Variants in RIN2 observed in about 807,000 individuals in gnomAD.
RIN2 encodes the protein Ras and Rab interactor 2.
RIN2 carries 36 observed loss-of-function variants against 78.0 expected under a neutral mutation model. The ratio of observed to expected loss-of-function variants is 0.46; its 90% CI spans 0.35 to 0.61. The LOEUF (loss-of-function observed/expected upper bound fraction) is 0.61, where lower values mean the gene tolerates loss of function less well. Among genes scored for constraint, RIN2 ranks in the 20% least tolerant of loss-of-function variants. The pLI is 0.00. For missense variants in RIN2, 1,087 were observed against 1,159.7 expected (o/e 0.94, Z 0.91); for synonymous variants, 466 against 466.8 (o/e 1.00, Z 0.02).
intron 4 of RIN2, among the ~76,000 whole-genome samples, chr20:19,950,071 G>A (rs187934952): frequency 6.6e-6 from 1 of 152,342 alleles, no homozygotes; most frequent in African/African-American, 2.4e-5. Flanking sequence ...TAACCTGGTT[G>A]TCACGAGAGC....
At chr20:19,791,828 A>G (rs1440553619) in intron 1 of RIN2, among the ~76,000 whole-genome samples, 2 of 152,226 alleles carry the variant, frequency 1.3e-5, no homozygotes, top group South Asian at 2.1e-4. Flanking sequence ...TGCAACTAGC[A>G]AGGCTTTCTT....
chr20:19,870,720 A>T (rs2037665892), intron 2 of RIN2, among the ~76,000 whole-genome samples: 1 of 152,224 alleles, frequency 6.6e-6, no homozygotes, highest in Non-Finnish European at 1.5e-5. Flanking sequence ...ATTGATGTAG[A>T]ATCTAGGCCA....
chr20:19,883,082 A>G (rs1338123007), intron 2 of RIN2, among the ~76,000 whole-genome samples: 1 of 152,130 alleles, frequency 6.6e-6, no homozygotes, highest in Non-Finnish European at 1.5e-5. Context: ...CAGACTTTTC[A>G]ATGACCTTGC....
chr20:19,803,479 C>T (rs1301609057), intron 2 of RIN2, among the ~76,000 whole-genome samples: 1 of 152,154 alleles, frequency 6.6e-6, no homozygotes, highest in Non-Finnish European at 1.5e-5. Flanking sequence ...CTGACAAAAA[C>T]AAGCAATGGG....
intron 3 of RIN2, among the ~76,000 whole-genome samples, chr20:19,892,839 T>C (rs901394907): frequency 5.3e-5 from 8 of 152,032 alleles, no homozygotes; most frequent in African/African-American, 1.9e-4. Context: ...TGGAGGGGAG[T>C]TCGGTGCTGA....
chr20:19,942,032 C>T (rs1010111431), intron 4 of RIN2, among the ~76,000 whole-genome samples: 1 of 150,580 alleles, frequency 6.6e-6, no homozygotes, highest in African/African-American at 2.5e-5. Flanking sequence ...ATTGCTTGAA[C>T]CTGAAAGATG....
At chr20:19,973,953 T>C (rs947904826) in intron 8 of RIN2, among the ~76,000 whole-genome samples, 28 of 152,280 alleles carry the variant, frequency 1.8e-4, no homozygotes, top group African/African-American at 6.3e-4. Context: ...TCGCAGAGCA[T>C]TGCATATTTA....
rs544658084 is a variant in RIN2, at chr20:19,958,332, T to C, written c.351+1525T>C. Among the ~76,000 whole-genome samples, 398 of 152,394 alleles carry C rather than the reference T, an allele frequency of 2.6e-3. 1 individual carries two copies. Among genetic ancestry groups the C allele is most frequent in the Non-Finnish European group, 3.4e-3 (231 of 68,036 alleles). ...CTAACTTTCAGCCAGTTGAATTGTC[T>C]GCTCTTGCATTTCTGCAAAACATTC... On this transcript the variant is annotated intron_variant, in intron 5 of 12. Transcript: ENST00000255006.
upstream of RIN2, chr20:19,757,926 T>C (rs1027804543): frequency 2.0e-5 from 3 of 152,428 alleles, no homozygotes; most frequent in African/African-American, 7.2e-5. Context: ...GCAGCCTGGG[T>C]TCCTTGTAAC....
At chr20:19,860,586 G>A (rs1226797784) in intron 2 of RIN2, among the ~76,000 whole-genome samples, 1 of 152,154 alleles carries the variant, frequency 6.6e-6, no homozygotes, top group Non-Finnish European at 1.5e-5. Context: ...GCCTCCCAAA[G>A]TACTGGGATT....
intron 9 of RIN2, among the ~76,000 whole-genome samples, chr20:19,980,673 G>A (rs2042421465): frequency 6.6e-6 from 1 of 152,192 alleles, no homozygotes; most frequent in South Asian, 2.1e-4. Context: ...CACGAATTGT[G>A]TGGCAGCATC....
intron 4 of RIN2, among the ~76,000 whole-genome samples, chr20:19,936,753 G>A (rs768588268): frequency 3.9e-5 from 6 of 152,208 alleles, no homozygotes; most frequent in Non-Finnish European, 5.9e-5. Context: ...CCTTTTCAGA[G>A]GTAAGAATAA....
intron 2 of RIN2, among the ~76,000 whole-genome samples, chr20:19,831,579 G>C (rs1281509070): frequency 6.6e-6 from 1 of 152,196 alleles, no homozygotes; most frequent in East Asian, 1.9e-4. Context: ...AGGAAGAGTA[G>C]ACCGAGATTG....
intron 2 of RIN2, among the ~76,000 whole-genome samples, chr20:19,868,120 G>A (rs1276496499): frequency 2.0e-5 from 3 of 152,186 alleles, no homozygotes; most frequent in East Asian, 3.9e-4. Context: ...TCCCTGCTTT[G>A]GTGACGTGAT....
intron 2 of RIN2, among the ~76,000 whole-genome samples, chr20:19,803,947 C>T (rs906352250): frequency 3.3e-5 from 5 of 152,124 alleles, no homozygotes; most frequent in African/African-American, 1.2e-4. Flanking sequence ...GTATTTTATT[C>T]TCTTTATAGC....
At position 19,921,092 on chromosome 20, in the gene RIN2, C is replaced by T. The variant is rs567866053; in HGVS notation, c.58-14007C>T. ...TGCCGCCTAAACAGGGATGTCCTCC[C>T]GGCCCTTCACAGCCTCTCCCATGTG... is the stretch of plus-strand genomic sequence containing the variant. On this transcript the variant is annotated intron_variant, in intron 3 of 12. Coordinates refer to ENST00000255006, the MANE Select transcript of RIN2 (RefSeq NM_018993.4). Among the ~76,000 whole-genome samples, 45 of 152,312 alleles carry T rather than the reference C, an allele frequency of 3.0e-4. 1 individual carries two copies. Among genetic ancestry groups the T allele is most frequent in the Middle Eastern group, 6.8e-3 (2 of 294 alleles).
intron 2 of RIN2, among the ~76,000 whole-genome samples, chr20:19,881,311 T>C (rs1313850097): frequency 2.0e-5 from 3 of 152,192 alleles, no homozygotes; most frequent in Admixed American, 6.5e-5. Context: ...CCGGGGCTTT[T>C]ATTTCCCAGA....
Position 20,002,206 on chromosome 20 carries a change from CTA to C in RIN2, c.*1272_*1273del, listed in dbSNP as rs1216532788. 1 of 152,262 alleles carries C rather than the reference CTA, an allele frequency of 6.6e-6. No homozygotes were observed. The highest frequency in any genetic ancestry group is 2.4e-5 in the African/African-American group (1 of 41,444). 9.4% of individuals were successfully genotyped at this position (152,262 alleles called of 1,614,324 possible). A position where few individuals can be genotyped will look rare whatever the true frequency, so the allele number is the denominator to read the frequency against. On this transcript the variant is annotated 3_prime_UTR_variant, in exon 13 of 13. Coordinates refer to ENST00000255006, the MANE Select transcript of RIN2 (RefSeq NM_018993.4). ...TAAAACCAGTTTGCAGGTGCACAAA[CTA>C]TGAGGGTCTTGTATCCACGTAACAC...
At position 19,847,973 on chromosome 20, in the gene RIN2, T is replaced by C. The variant is rs566775184; in HGVS notation, c.-36-41593T>C. 3.9e-5 allele frequency among the ~76,000 whole-genome samples: 6 copies of C among 152,168 alleles called. No individual in the cohort carries two copies. In the South Asian group the frequency reaches 1.2e-3, roughly 32 times the overall value. On this transcript the variant is annotated intron_variant, in intron 2 of 12. Coordinates refer to ENST00000255006, the MANE Select transcript of RIN2 (RefSeq NM_018993.4). ...CACCATTCCAGTACAAAAGCAACCA[T>C]GGATGAGATGTAAATGAATGAGCAG...
Sources: gnomAD v4.1 joint callset for allele counts (sites outside exome capture counted in the v4.1 genomes callset) on GRCh38, gnomAD v4.1.1 for gene constraint, MANE v1.5 for transcripts, NCBI Gene and HGNC (gene_info 2026-07-23, HGNC 2026-07-21) for gene names.